Variants in CPLX1 observed in about 807,000 individuals in gnomAD.
CPLX1 encodes the protein complexin 1, also known as complexin-1.
In CPLX1, 6 loss-of-function variants were observed where a neutral mutation model predicts 15.6. The ratio of observed to expected loss-of-function variants is 0.39; its 90% confidence interval spans 0.21 to 0.76. The LOEUF is 0.76. Ranked by LOEUF, CPLX1 falls within the 30% of genes least tolerant of loss-of-function variation. The pLI is 0.43. For missense variants in CPLX1, 242 were observed against 188.6 expected (o/e 1.28, Z -1.66); for synonymous variants, 91 against 75.2 (o/e 1.21, Z -1.08).
Position 792,499 on chromosome 4 carries a change from C to A in CPLX1, c.141G>T (p.Glu47Asp). 1 of 1,613,118 alleles carries A rather than the reference C, an allele frequency of 6.2e-7. No individual in the cohort carries two copies. The highest frequency in any genetic ancestry group is 8.5e-7 in the Non-Finnish European group (1 of 1,179,722). The change falls in exon 3 of 4, where the codon GAG becomes GAT. Residue 47 changes from glutamate to aspartate, a missense_variant. Transcript: ENST00000304062. ...RQEALRQAEE[E>D]RKAKYAKMEA... ...CCATCTTGGCGTACTTGGCCTTGCG[C>A]TCCTCCTCCGCCTGGCGCAGCGCCT...
At chr4:824,680 C>A in intron 1 of CPLX1, 79 bp from the exon 2 acceptor site, 1 of 801,734 alleles carries the variant, frequency 1.2e-6, no homozygotes, top group Non-Finnish European at 2.2e-6. Context: ...CATTCCTTAC[C>A]CGCAATACCT....
At chr4:817,419 G>T (rs1313685934) in intron 2 of CPLX1, among the ~76,000 whole-genome samples, 1 of 151,336 alleles carries the variant, frequency 6.6e-6, no homozygotes, top group African/African-American at 2.4e-5. Context: ...TTAGCCAGGC[G>T]TGGTGGCAGG....
chr4:825,278 C>T (rs1344272727), intron 1 of CPLX1, among the ~76,000 whole-genome samples: 2 of 152,162 alleles, frequency 1.3e-5, no homozygotes, highest in Non-Finnish European at 2.9e-5. Flanking sequence ...TCACAGCAGC[C>T]GCAGTGAGCC....
chr4:787,358 C>T lies in CPLX1; in HGVS notation c.208-660G>A, dbSNP rs943039270. 5.1e-6 allele frequency: 5 copies of T among 985,432 alleles called. No homozygotes were observed. In the African/African-American group the frequency reaches 5.2e-5, roughly 10 times the overall value. 61.0% of individuals were successfully genotyped at this position (985,432 alleles called of 1,614,324 possible). Reference sequence around the variant, plus strand: ...CTGCCCACCCGCGTTTCTCATCTCCCGTGAGTGCGTCTGCCCTCCGTAGTA... The same window carrying T: ...CTGCCCACCCGCGTTTCTCATCTCCTGTGAGTGCGTCTGCCCTCCGTAGTA... On this transcript the variant is annotated intron_variant, in intron 3 of 3. Transcript: ENST00000304062.
chr4:795,436 C>T (rs1577472832), intron 2 of CPLX1, among the ~76,000 whole-genome samples: 2 of 152,242 alleles, frequency 1.3e-5, no homozygotes, highest in African/African-American at 4.8e-5. Flanking sequence ...CACCCCCGCC[C>T]CCGTTTCCAG....
At chr4:824,659 C>T (rs1385764054) in intron 1 of CPLX1, 58 bp from the exon 2 acceptor site, 6 of 901,894 alleles carry the variant, frequency 6.7e-6, no homozygotes, top group Admixed American at 3.6e-5. Flanking sequence ...CTGGCCTTCC[C>T]CAGAGACCAT....
In CPLX1 at chr4:786,309, G is replaced by A. The variant is rs1227853253; in HGVS notation, c.*192C>T. 5 of 473,366 alleles carry A rather than the reference G, an allele frequency of 1.1e-5. No individual in the cohort carries two copies. In the East Asian group the frequency reaches 1.4e-4, roughly 14 times the overall value. The allele number at this position is 473,366 out of a possible 1,614,324, so 29.3% of individuals were successfully genotyped here. A position where few individuals can be genotyped will look rare whatever the true frequency, so the allele number is the denominator to read the frequency against. On this transcript the variant is annotated 3_prime_UTR_variant, in exon 4 of 4. Coordinates refer to ENST00000304062, the MANE Select transcript of CPLX1 (RefSeq NM_006651.4). ...GCCACCCGCGGGCAGAGGAGCACGG[G>A]GCGGACTGGGGGGGTCCTGGGGGCG...
At position 786,566 on chromosome 4, in the gene CPLX1, C is replaced by A. The variant is rs200267276; in HGVS notation, c.340G>T (p.Glu114Ter). Residue 114 changes from glutamate (E) to a stop codon, truncating the protein, a stop_gained, in exon 4 of 4, where the codon GAG becomes TAG. Coordinates refer to ENST00000304062, the MANE Select transcript of CPLX1 (RefSeq NM_006651.4). LOFTEE classifies it high-confidence loss of function. ...GCGDEVEEED[E>*]SILDTVIKYL... ...TTGATGACGGTGTCCAGGATGCTCTCGTCCTCCTCCTCCACCTCGTCCCCG... is the reference window on the plus strand; with the variant it reads ...TTGATGACGGTGTCCAGGATGCTCTAGTCCTCCTCCTCCACCTCGTCCCCG... 1.2e-6 allele frequency: 2 copies of A among 1,609,798 alleles called. No individual in the cohort carries two copies. Among genetic ancestry groups the A allele is most frequent in the African/African-American group, 2.7e-5 (2 of 74,908 alleles).
In CPLX1 at chr4:788,308, C is replaced by A; in HGVS notation, c.208-1610G>T. 5.1e-6 allele frequency: 5 copies of A among 985,380 alleles called. No individual in the cohort carries two copies. The South Asian group carries it at 1.9e-4, about 37-fold the overall frequency. The allele number at this position is 985,380 out of a possible 1,614,324, so 61.0% of individuals were successfully genotyped here. On this transcript the variant is annotated intron_variant, in intron 3 of 3. Coordinates refer to ENST00000304062, the MANE Select transcript of CPLX1 (RefSeq NM_006651.4). ...CACCGAGGGCAGTCTCGGCACCTCT[C>A]CCCTCCCCTAGGGCTGCAGGTGGCT...
chr4:804,504 A>C (rs1044125056), intron 2 of CPLX1, among the ~76,000 whole-genome samples: 21 of 152,236 alleles, frequency 1.4e-4, no homozygotes, highest in African/African-American at 5.1e-4. Context: ...AACCTATATC[A>C]GAAAAAAATC....
chr4:824,511 C>G lies in CPLX1; in HGVS notation c.12G>C (p.Val4=). The part of the protein sequence containing the change: MEF[V]MKQALGGATK... ...TCCTACCTCCTAGAGCCTGCTTCAT[C>G]ACAAACTCCATGGCGATTGCTCTGC... The change falls in exon 2 of 4, where the codon GTG becomes GTC. Residue 4 remains valine, a synonymous_variant. Coordinates refer to ENST00000304062, the MANE Select transcript of CPLX1 (RefSeq NM_006651.4). 1 of 1,612,898 alleles carries G rather than the reference C, an allele frequency of 6.2e-7. No homozygotes were observed.
At chr4:786,782 G>C in intron 3 of CPLX1, 84 bp from the exon 4 acceptor site, 1 of 1,489,614 alleles carries the variant, frequency 6.7e-7, no homozygotes, top group Non-Finnish European at 8.9e-7. Flanking sequence ...ACTGGCCCAG[G>C]AACCCCCGAA....
intron 2 of CPLX1, among the ~76,000 whole-genome samples, chr4:799,424 T>G (rs1227767960): frequency 6.6e-6 from 1 of 152,218 alleles, no homozygotes; most frequent in East Asian, 1.9e-4. Context: ...CTCATCCACG[T>G]GCCAGGAGGG....
At chr4:808,552 A>C (rs1365976110) in intron 2 of CPLX1, among the ~76,000 whole-genome samples, 2 of 152,228 alleles carry the variant, frequency 1.3e-5, no homozygotes, top group Non-Finnish European at 2.9e-5. Context: ...CTAACGGCAA[A>C]ACGAATCCGT....
At chr4:797,005 C>T (rs1314932967) in intron 2 of CPLX1, among the ~76,000 whole-genome samples, 3 of 152,172 alleles carry the variant, frequency 2.0e-5, no homozygotes, top group African/African-American at 7.2e-5. Flanking sequence ...AGGCTCAGGA[C>T]CCTGGAGAAA....
Position 786,346 on chromosome 4 carries a change from C to T in CPLX1, c.*155G>A. On this transcript the variant is annotated 3_prime_UTR_variant, in exon 4 of 4. Transcript: ENST00000304062. ...GGGTCCTGGGGGCGCGCGCCCCTTG[C>T]CGGGTGAGGGAGGCGGCGGGCGCGG... 1.3e-6 allele frequency: 1 copy of T among 755,626 alleles called. No homozygotes were observed. The highest frequency in any genetic ancestry group is 1.9e-6 in the Non-Finnish European group (1 of 519,964). 46.8% of individuals were successfully genotyped at this position (755,626 alleles called of 1,614,324 possible).
intron 2 of CPLX1, among the ~76,000 whole-genome samples, chr4:796,882 C>G (rs1030117889): frequency 1.3e-5 from 2 of 152,192 alleles, no homozygotes; most frequent in Admixed American, 1.3e-4. Context: ...GATACCAAGA[C>G]AGAATGATGA....
At chr4:824,960 C>T in intron 1 of CPLX1, 1 of 362,916 alleles carries the variant, frequency 2.8e-6, no homozygotes, top group Non-Finnish European at 5.4e-6. Context: ...TGGAGCGGCG[C>T]CTCCGCGGTG....
Position 786,327 on chromosome 4 carries a change from TG to T in CPLX1, c.*173del. On this transcript the variant is annotated 3_prime_UTR_variant, in exon 4 of 4. Coordinates refer to ENST00000304062, the MANE Select transcript of CPLX1 (RefSeq NM_006651.4). ...AGCACGGGGCGGACTGGGGGGGTCC[TG>T]GGGGCGCGCGCCCCTTGCCGGGTGA... The T allele has an allele frequency of 9.0e-6, 5 of 558,074 alleles. No homozygotes were observed. The highest frequency in any genetic ancestry group is 1.5e-5 in the Non-Finnish European group (5 of 344,410). 34.6% of individuals were successfully genotyped at this position (558,074 alleles called of 1,614,324 possible). A position where few individuals can be genotyped will look rare whatever the true frequency, so the allele number is the denominator to read the frequency against.
Sources: gnomAD v4.1 joint callset for allele counts (sites outside exome capture counted in the v4.1 genomes callset) on GRCh38, gnomAD v4.1.1 for gene constraint, MANE v1.5 for transcripts, NCBI Gene and HGNC (gene_info 2026-07-23, HGNC 2026-07-21) for gene names.